The following DLGAP4 variants were observed in gnomAD, a reference collection of about 807,000 sequenced individuals.
DLGAP4 encodes DLG associated protein 4.
In DLGAP4, 18 loss-of-function variants were observed where a neutral mutation model predicts 86.9. The ratio of observed to expected loss-of-function variants is 0.21; its 90% CI spans 0.14 to 0.31. The LOEUF (loss-of-function observed/expected upper bound fraction) is 0.31. DLGAP4 is among the 10% of genes least tolerant of loss of function. The pLI is 1.00. For missense variants in DLGAP4, 1,085 were observed against 1,362.6 expected, an observed-to-expected ratio of 0.80 and a Z score of 3.21; for synonymous variants, 548 against 574.3, an observed-to-expected ratio of 0.95 and a Z score of 0.65.
At chr20:36,332,984 C>A (rs2065285397) in intron 1 of DLGAP4, among the ~76,000 whole-genome samples, 1 of 152,198 alleles carries the variant, frequency 6.6e-6, no homozygotes, top group African/African-American at 2.4e-5. Flanking sequence ...AATTCTCACC[C>A]TCTCAGATGC....
chr20:36,409,886 T>A (rs1469347934), intron 2 of DLGAP4, among the ~76,000 whole-genome samples: 1 of 150,824 alleles, frequency 6.6e-6, no homozygotes, highest in Non-Finnish European at 1.5e-5. Context: ...ACAAAAAAAT[T>A]AGCCGGGTAT....
chr20:36,475,472 G>A (rs2034869558), intron 7 of DLGAP4, among the ~76,000 whole-genome samples: 1 of 152,094 alleles, frequency 6.6e-6, no homozygotes, highest in Admixed American at 6.5e-5. Context: ...GCCTCCCAAA[G>A]TGCTGGGATT....
intron 1 of DLGAP4, among the ~76,000 whole-genome samples, chr20:36,321,507 G>A (rs1162489922): frequency 1.3e-5 from 2 of 152,258 alleles, no homozygotes; most frequent in Non-Finnish European, 1.5e-5. Flanking sequence ...CTTCCACCTC[G>A]GATGTGCTCT....
intron 7 of DLGAP4, among the ~76,000 whole-genome samples, chr20:36,475,274 T>C (rs973840988): frequency 2.0e-5 from 3 of 152,126 alleles, no homozygotes; most frequent in African/African-American, 4.8e-5. Flanking sequence ...TGTAGTGACA[T>C]GATCTTGACT....
chr20:36,463,249 C>G (rs894181887), intron 7 of DLGAP4, among the ~76,000 whole-genome samples: 1 of 152,230 alleles, frequency 6.6e-6, no homozygotes, highest in Non-Finnish European at 1.5e-5. Context: ...GAGCGAGACC[C>G]TTGTCCTCTC....
At chr20:36,448,143 G>C (rs2033648097) in intron 7 of DLGAP4, among the ~76,000 whole-genome samples, 1 of 151,972 alleles carries the variant, frequency 6.6e-6, no homozygotes, top group Non-Finnish European at 1.5e-5. Flanking sequence ...CTTGAGCCTA[G>C]GAGTTGGAGA....
At chr20:36,523,002 C>A (rs1248549574) in intron 10 of DLGAP4, among the ~76,000 whole-genome samples, 2 of 151,998 alleles carry the variant, frequency 1.3e-5, no homozygotes, top group Admixed American at 1.3e-4. Flanking sequence ...TGCTACCATG[C>A]CTGGCTTATT....
At chr20:36,487,029 G>A (rs2035447773) in intron 7 of DLGAP4, among the ~76,000 whole-genome samples, 1 of 152,140 alleles carries the variant, frequency 6.6e-6, no homozygotes, top group Non-Finnish European at 1.5e-5. Context: ...AGAGAAAACA[G>A]GGACGCAAAA....
intron 10 of DLGAP4, among the ~76,000 whole-genome samples, chr20:36,515,160 A>C (rs1439718144): frequency 6.6e-6 from 1 of 152,212 alleles, no homozygotes; most frequent in African/African-American, 2.4e-5. Flanking sequence ...GTATCACACC[A>C]CTTTCTATAA....
At chr20:36,497,457 G>T in intron 8 of DLGAP4, 1 of 1,047,948 alleles carries the variant, frequency 9.5e-7, no homozygotes, top group Non-Finnish European at 1.2e-6. Flanking sequence ...GTCAGCTCGG[G>T]TGCGGAGGCC....
intron 7 of DLGAP4, among the ~76,000 whole-genome samples, chr20:36,455,485 T>G (rs963261357): frequency 3.3e-5 from 5 of 152,138 alleles, no homozygotes; most frequent in Non-Finnish European, 7.4e-5. Context: ...GCACACACAC[T>G]TGGGCTCACT....
At chr20:36,524,427 CCCT>C in intron 11 of DLGAP4, 86 bp downstream of exon 11, 10 of 1,149,550 alleles carry the variant, frequency 8.7e-6, no homozygotes, top group Non-Finnish European at 1.3e-5. Flanking sequence ...AGCCTCTGTG[CCCT>C]CCTCTGTAAC....
intron 9 of DLGAP4, 126 bp downstream of exon 9, chr20:36,499,802 GC>G: frequency 1.1e-6 from 1 of 912,988 alleles, no homozygotes; most frequent in African/African-American, 1.7e-5. Context: ...GGTTTGGGTT[GC>G]GGGTGGTGGC....
At chr20:36,330,140 A>G in intron 1 of DLGAP4, among the ~76,000 whole-genome samples, 1 of 152,220 alleles carries the variant, frequency 6.6e-6, no homozygotes, top group African/African-American at 2.4e-5. Flanking sequence ...TTCTACAGTG[A>G]ACATATATTG....
At chr20:36,498,843 A>G (rs1016540473) in intron 8 of DLGAP4, 1 of 165,928 alleles carries the variant, frequency 6.0e-6, no homozygotes, top group Non-Finnish European at 1.3e-5. Flanking sequence ...CAGAGAAGAA[A>G]GGCAGGCGCA....
chr20:36,384,310 CTG>C (rs2031518524), intron 2 of DLGAP4, among the ~76,000 whole-genome samples: 1 of 152,192 alleles, frequency 6.6e-6, no homozygotes, highest in South Asian at 2.1e-4. Flanking sequence ...ATTTCCAGGA[CTG>C]TGTGGTTTTC....
chr20:36,471,314 T>G (rs2034651622), intron 7 of DLGAP4, among the ~76,000 whole-genome samples: 1 of 152,022 alleles, frequency 6.6e-6, no homozygotes, highest in Non-Finnish European at 1.5e-5. Context: ...GCCAATATGG[T>G]GAAACCCCGT....
intron 1 of DLGAP4, among the ~76,000 whole-genome samples, chr20:36,326,020 A>T (rs555377923): frequency 1.3e-5 from 2 of 152,268 alleles, no homozygotes; most frequent in East Asian, 3.9e-4. Context: ...GCCTGTCCTG[A>T]AACAGACTTT....
intron 1 of DLGAP4, among the ~76,000 whole-genome samples, chr20:36,366,830 A>G (rs1371189902): frequency 1.3e-5 from 2 of 152,174 alleles, no homozygotes; most frequent in Non-Finnish European, 2.9e-5. Flanking sequence ...TATGCATGAC[A>G]TGCAAATTTG....
Sources: gnomAD v4.1 joint callset for allele counts (sites outside exome capture counted in the v4.1 genomes callset) on GRCh38, gnomAD v4.1.1 for gene constraint, MANE v1.5 for transcripts, NCBI Gene and HGNC (gene_info 2026-07-23, HGNC 2026-07-21) for gene names.